The following PPARGC1A variants were observed in gnomAD, a reference collection of about 807,000 sequenced individuals.
PPARGC1A encodes the protein peroxisome proliferator-activated receptor gamma coactivator 1-alpha.
Under a neutral mutation model 88.7 loss-of-function variants are expected in PPARGC1A, and 25 were observed. That is an observed-to-expected ratio of 0.28 (90% CI 0.21 to 0.39). PPARGC1A has a LOEUF of 0.39. PPARGC1A is among the 10% of genes least tolerant of loss of function. The probability of loss-of-function intolerance (pLI) is 1.00; values close to 1 mark genes in which losing one functional copy is unlikely to be tolerated. For missense variants in PPARGC1A, 880 were observed against 968.7 expected, an observed-to-expected ratio of 0.91 and a Z score of 1.22; for synonymous variants, 363 against 355.6, an observed-to-expected ratio of 1.02 and a Z score of -0.24.
the PPARGC1A span, among the ~76,000 whole-genome samples, chr4:24,221,599 G>T: frequency 1.4e-3 from 216 of 152,218 alleles, no homozygotes; most frequent in African/African-American, 5.0e-3. Context: ...TCATAGTACA[G>T]AGGAAATGTA....
the PPARGC1A span, among the ~76,000 whole-genome samples, chr4:24,381,130 T>C: frequency 0.03 from 4,586 of 151,634 alleles, 100 homozygotes; most frequent in South Asian, 0.053. Flanking sequence ...GCCAGAGAGG[T>C]CATGGGAGCT....
At chr4:24,434,018 C>G in the PPARGC1A span, among the ~76,000 whole-genome samples, 1 of 152,204 alleles carries the variant, frequency 6.6e-6, no homozygotes, top group South Asian at 2.1e-4. Flanking sequence ...TTCTTGTCAT[C>G]ATTGTCAAAA....
At chr4:24,246,481 G>T in the PPARGC1A span, among the ~76,000 whole-genome samples, 2 of 152,104 alleles carry the variant, frequency 1.3e-5, no homozygotes, top group South Asian at 2.1e-4. Flanking sequence ...CGGGCGTGGT[G>T]GTGCCTATCT....
the PPARGC1A span, among the ~76,000 whole-genome samples, chr4:24,104,474 A>G: frequency 1.3e-5 from 2 of 152,152 alleles, no homozygotes; most frequent in African/African-American, 4.8e-5. Flanking sequence ...AATACGTGTT[A>G]TTTGTGATCT....
At chr4:24,323,625 C>A in the PPARGC1A span, among the ~76,000 whole-genome samples, 1 of 152,068 alleles carries the variant, frequency 6.6e-6, no homozygotes, top group Non-Finnish European at 1.5e-5. Flanking sequence ...ACTCTCTTTT[C>A]GGACTCAGCC....
At chr4:24,182,434 T>C in the PPARGC1A span, among the ~76,000 whole-genome samples, 1 of 152,210 alleles carries the variant, frequency 6.6e-6, no homozygotes, top group African/African-American at 2.4e-5. Context: ...TCTTTGCTAT[T>C]GTAAATAGTT....
chr4:24,454,685 C>T, the PPARGC1A span, among the ~76,000 whole-genome samples: 1 of 151,876 alleles, frequency 6.6e-6, no homozygotes, highest in Admixed American at 6.6e-5. Context: ...CTGCAGTGAG[C>T]CAGGATTGCA....
At chr4:24,387,823 A>G in the PPARGC1A span, among the ~76,000 whole-genome samples, 1 of 66,724 alleles carries the variant, frequency 1.5e-5, no homozygotes, top group Non-Finnish European at 3.8e-5. Flanking sequence ...AAAGAAAGAA[A>G]GAGAGAAAGA....
At chr4:23,830,381 C>A (rs1724785157) in intron 3 of PPARGC1A, among the ~76,000 whole-genome samples, 1 of 152,184 alleles carries the variant, frequency 6.6e-6, no homozygotes, top group South Asian at 2.1e-4. Flanking sequence ...CCTGTTCTGA[C>A]ATACAGTATG....
At chr4:24,279,396 A>C in the PPARGC1A span, among the ~76,000 whole-genome samples, 1 of 152,202 alleles carries the variant, frequency 6.6e-6, no homozygotes, top group Admixed American at 6.5e-5. Context: ...ATCTTGGGTC[A>C]CATGTAGGGA....
chr4:24,351,863 A>G, the PPARGC1A span, among the ~76,000 whole-genome samples: 1 of 152,024 alleles, frequency 6.6e-6, no homozygotes, highest in Non-Finnish European at 1.5e-5. Flanking sequence ...AAGGCCTCCT[A>G]CAGTCAACAA....
chr4:24,053,971 T>C, the PPARGC1A span, among the ~76,000 whole-genome samples: 1 of 152,038 alleles, frequency 6.6e-6, no homozygotes, highest in Non-Finnish European at 1.5e-5. Context: ...CAGAACACCA[T>C]GAAGATATGA....
the PPARGC1A span, among the ~76,000 whole-genome samples, chr4:23,995,661 T>C: frequency 1.3e-5 from 2 of 152,252 alleles, no homozygotes; most frequent in East Asian, 3.9e-4. Flanking sequence ...CCCTCCTCCA[T>C]TGCACAAAGT....
the PPARGC1A span, among the ~76,000 whole-genome samples, chr4:24,333,837 G>C: frequency 6.7e-6 from 1 of 148,314 alleles, no homozygotes; most frequent in African/African-American, 2.5e-5. Context: ...AGGAGGTTGA[G>C]GCAGGAGAAT....
chr4:23,889,430 T>C, intron 1 of PPARGC1A: 1 of 937,298 alleles, frequency 1.1e-6, no homozygotes, highest in African/African-American at 1.8e-5. Context: ...GTTCTCTGTC[T>C]GATGAACAGA....
the PPARGC1A span, among the ~76,000 whole-genome samples, chr4:24,094,529 TA>T: frequency 6.6e-6 from 1 of 152,222 alleles, no homozygotes; most frequent in Non-Finnish European, 1.5e-5. Context: ...ATATGAATTT[TA>T]AAAAGAAAGA....
chr4:24,088,729 T>G, the PPARGC1A span, among the ~76,000 whole-genome samples: 3 of 152,252 alleles, frequency 2.0e-5, no homozygotes, highest in Non-Finnish European at 2.9e-5. Context: ...ATTATTTCAT[T>G]AGAAGATCAT....
chr4:23,916,283 T>C, the PPARGC1A span, among the ~76,000 whole-genome samples: 1 of 152,228 alleles, frequency 6.6e-6, no homozygotes, highest in Non-Finnish European at 1.5e-5. Context: ...TATGTGATAA[T>C]GTGCTTAGGT....
chr4:24,056,031 T>C, the PPARGC1A span, among the ~76,000 whole-genome samples: 1 of 152,174 alleles, frequency 6.6e-6, no homozygotes, highest in Admixed American at 6.5e-5. Flanking sequence ...GGACAGATGT[T>C]ATAAAAAAGG....
Sources: gnomAD v4.1 joint callset for allele counts (sites outside exome capture counted in the v4.1 genomes callset) on GRCh38, gnomAD v4.1.1 for gene constraint, MANE v1.5 for transcripts, NCBI Gene and HGNC (gene_info 2026-07-23, HGNC 2026-07-21) for gene names.